Variants in TAFA1 observed in about 807,000 individuals in gnomAD.
TAFA1 encodes the protein TAFA chemokine like family member 1.
Under a neutral mutation model 18.5 loss-of-function variants are expected in TAFA1, and 4 were observed. The observed-to-expected ratio is 0.22, with a 90% CI of 0.11 to 0.49. The LOEUF (loss-of-function observed/expected upper bound fraction) is 0.49. Among genes scored for constraint, TAFA1 ranks in the 20% least tolerant of loss-of-function variants. The pLI, the probability that TAFA1 is intolerant of heterozygous loss-of-function variation, is 0.98. For synonymous variants in TAFA1, 56 were observed against 55.2 expected, an observed-to-expected ratio of 1.01 and a Z score of -0.06; for missense variants, 147 against 169.0, an observed-to-expected ratio of 0.87 and a Z score of 0.72.
intron 2 of TAFA1, among the ~76,000 whole-genome samples, chr3:68,216,483 A>T (rs2066658776): frequency 6.6e-6 from 1 of 152,084 alleles, no homozygotes; most frequent in Admixed American, 6.6e-5. Flanking sequence ...GGAAAATAAG[A>T]CTGTGCATAA....
intron 2 of TAFA1, among the ~76,000 whole-genome samples, chr3:68,304,656 T>C (rs890534350): frequency 6.6e-6 from 1 of 152,182 alleles, no homozygotes; most frequent in Non-Finnish European, 1.5e-5. Context: ...CACTGAAATA[T>C]AATAGAAAAA....
intron 3 of TAFA1, among the ~76,000 whole-genome samples, chr3:68,464,304 A>G (rs1184586408): frequency 1.3e-5 from 2 of 152,202 alleles, no homozygotes; most frequent in Non-Finnish European, 2.9e-5. Flanking sequence ...CATTCCTAAG[A>G]TAATTTCAAA....
chr3:68,536,688 T>A (rs577831773), intron 3 of TAFA1, among the ~76,000 whole-genome samples: 2 of 152,292 alleles, frequency 1.3e-5, no homozygotes, highest in South Asian at 4.1e-4. Context: ...ATTGAGTGAA[T>A]CTAGTCACTG....
At chr3:68,365,884 G>T (rs776108465) in intron 2 of TAFA1, among the ~76,000 whole-genome samples, 2 of 151,962 alleles carry the variant, frequency 1.3e-5, no homozygotes, top group Non-Finnish European at 2.9e-5. Flanking sequence ...TCAGGAGTTC[G>T]AGACCAACCA....
At chr3:68,333,024 A>G (rs781562645) in intron 2 of TAFA1, among the ~76,000 whole-genome samples, 8 of 152,248 alleles carry the variant, frequency 5.3e-5, no homozygotes, top group Non-Finnish European at 1.2e-4. Flanking sequence ...GAGGTTGCAG[A>G]GAAAAGAGAA....
chr3:68,198,322 A>G (rs2066435258), intron 2 of TAFA1, among the ~76,000 whole-genome samples: 1 of 151,670 alleles, frequency 6.6e-6, no homozygotes, highest in East Asian at 1.9e-4. Flanking sequence ...TATGAATAAA[A>G]TTACTGTAAA....
At chr3:68,077,741 G>A (rs1233563539) in intron 2 of TAFA1, among the ~76,000 whole-genome samples, 42 of 151,640 alleles carry the variant, frequency 2.8e-4, no homozygotes, top group South Asian at 1.9e-3. Context: ...GTCAGGTAGT[G>A]TGATGCCTCC....
intron 2 of TAFA1, among the ~76,000 whole-genome samples, chr3:68,052,093 A>G (rs183457754): frequency 1.1e-3 from 172 of 152,266 alleles, no homozygotes; most frequent in African/African-American, 3.9e-3. Context: ...TTGACTCTCA[A>G]TATTATGATT....
intron 2 of TAFA1, among the ~76,000 whole-genome samples, chr3:68,352,331 G>A (rs949698958): frequency 3.9e-5 from 6 of 151,954 alleles, no homozygotes; most frequent in African/African-American, 1.5e-4. Context: ...TCAGTGAAAG[G>A]TAATTGAAGG....
intron 2 of TAFA1, among the ~76,000 whole-genome samples, chr3:68,080,093 T>C (rs200508371): frequency 0.021 from 3,128 of 152,266 alleles, 209 homozygotes; most frequent in South Asian, 0.16. Flanking sequence ...CTTTTGATCT[T>C]TGTTGGTTTA....
chr3:68,006,124 C>G (rs1279449439), intron 1 of TAFA1: 1 of 155,344 alleles, frequency 6.4e-6, no homozygotes, highest in East Asian at 1.9e-4. Flanking sequence ...CAACATGCCT[C>G]TGAGAAATGA....
intron 3 of TAFA1, among the ~76,000 whole-genome samples, chr3:68,522,895 G>C (rs1000532285): frequency 6.6e-6 from 1 of 152,032 alleles, no homozygotes; most frequent in Non-Finnish European, 1.5e-5. Context: ...GGCCAACATG[G>C]TGAAACCCCA....
intron 2 of TAFA1, among the ~76,000 whole-genome samples, chr3:68,044,503 C>T (rs896113705): frequency 1.3e-5 from 2 of 152,182 alleles, no homozygotes; most frequent in Admixed American, 6.5e-5. Context: ...CCTGACTTCA[C>T]CTCCTGCTGC....
chr3:68,211,923 A>G (rs2107068838), intron 2 of TAFA1, among the ~76,000 whole-genome samples: 1 of 152,150 alleles, frequency 6.6e-6, no homozygotes, highest in East Asian at 1.9e-4. Context: ...TTTAGGTCCC[A>G]CCTCCAACAG....
intron 2 of TAFA1, among the ~76,000 whole-genome samples, chr3:68,195,277 G>A (rs1275244404): frequency 1.3e-5 from 2 of 149,648 alleles, no homozygotes; most frequent in East Asian, 3.9e-4. Flanking sequence ...ATAAGTCTGT[G>A]CCCCAGGAAA....
At chr3:68,041,151 C>T (rs2106677873) in intron 2 of TAFA1, among the ~76,000 whole-genome samples, 1 of 152,254 alleles carries the variant, frequency 6.6e-6, no homozygotes, top group East Asian at 1.9e-4. Flanking sequence ...AGACATAATC[C>T]AAAAACAAGA....
intron 2 of TAFA1, among the ~76,000 whole-genome samples, chr3:68,090,271 A>G (rs982843735): frequency 1.3e-5 from 2 of 152,180 alleles, no homozygotes; most frequent in African/African-American, 4.8e-5. Flanking sequence ...ATGCTTACAG[A>G]TTCACGTGCA....
At chr3:68,293,667 C>G (rs2068155378) in intron 2 of TAFA1, among the ~76,000 whole-genome samples, 1 of 152,168 alleles carries the variant, frequency 6.6e-6, no homozygotes, top group Non-Finnish European at 1.5e-5. Flanking sequence ...TGTGCTTGAT[C>G]AATGCGAGCT....
chr3:68,010,391 C>G (rs949595439), intron 2 of TAFA1, among the ~76,000 whole-genome samples: 1 of 152,092 alleles, frequency 6.6e-6, no homozygotes, highest in Non-Finnish European at 1.5e-5. Flanking sequence ...ATTGCCTCAC[C>G]TGGATGGCAC....
Sources: gnomAD v4.1 joint callset for allele counts (sites outside exome capture counted in the v4.1 genomes callset) on GRCh38, gnomAD v4.1.1 for gene constraint, MANE v1.5 for transcripts, NCBI Gene and HGNC (gene_info 2026-07-23, HGNC 2026-07-21) for gene names.